The following C2orf49 variants were observed in gnomAD, a reference collection of about 807,000 sequenced individuals.
The protein encoded by C2orf49 is tRNA splicing ligase complex subunit 2, also known as tRNA-splicing ligase complex subunit ASW.
A neutral mutation model predicts 20.6 loss-of-function variants in C2orf49; 11 were observed. The ratio of observed to expected loss-of-function variants is 0.53; its 90% CI spans 0.34 to 0.88. The LOEUF (loss-of-function observed/expected upper bound fraction) is 0.88. Ranked by LOEUF, C2orf49 falls within the 40% of genes least tolerant of loss-of-function variation. C2orf49 has a pLI of 0.02. For missense variants in C2orf49, 289 were observed against 274.2 expected (o/e 1.05, Z -0.38); for synonymous variants, 134 against 108.5 (o/e 1.24, Z -1.46).
chr2:105,363,629 C>T, the C2orf49 span, among the ~76,000 whole-genome samples: 1 of 152,222 alleles, frequency 6.6e-6, no homozygotes, highest in Non-Finnish European at 1.5e-5. Flanking sequence ...TCACTCGTCA[C>T]CCTCACCACA....
the C2orf49 span, among the ~76,000 whole-genome samples, chr2:105,366,480 G>T: frequency 5.3e-5 from 8 of 152,330 alleles, no homozygotes; most frequent in South Asian, 1.7e-3. Context: ...TGCCCAGGGC[G>T]AGTGAGCAGT....
the C2orf49 span, among the ~76,000 whole-genome samples, chr2:105,372,419 G>A: frequency 5.3e-5 from 8 of 152,114 alleles, no homozygotes; most frequent in Non-Finnish European, 8.8e-5. Context: ...TAGAGACAGC[G>A]TTTTACCATG....
chr2:105,354,268 C>T, the C2orf49 span, among the ~76,000 whole-genome samples: 2 of 152,150 alleles, frequency 1.3e-5, no homozygotes, highest in African/African-American at 2.4e-5. Flanking sequence ...GTTTATGGTT[C>T]ATGTAGAATG....
At chr2:105,352,054 C>T (rs375526306), downstream of C2orf49, among the ~76,000 whole-genome samples, 30 of 152,316 alleles carry the variant, frequency 2.0e-4, no homozygotes, top group African/African-American at 5.3e-4. Context: ...TACCAACCAC[C>T]GTCCATTTAC....
the C2orf49 span, among the ~76,000 whole-genome samples, chr2:105,356,692 C>T: frequency 6.6e-6 from 1 of 152,202 alleles, no homozygotes; most frequent in African/African-American, 2.4e-5. Flanking sequence ...TGCCTGTTGA[C>T]ATTTGCTTTG....
At chr2:105,369,146 T>A in the C2orf49 span, among the ~76,000 whole-genome samples, 1 of 152,286 alleles carries the variant, frequency 6.6e-6, no homozygotes, top group East Asian at 1.9e-4. Context: ...CTGGGGACTG[T>A]GGCATGAGGG....
At chr2:105,340,676 A>AT (rs1172876727) in intron 2 of C2orf49, among the ~76,000 whole-genome samples, 1 of 152,276 alleles carries the variant, frequency 6.6e-6, no homozygotes, top group African/African-American at 2.4e-5. Context: ...CAAGCAAGTG[A>AT]TTTTTTCTTT....
Position 105,345,654 on chromosome 2 carries a change from A to G in C2orf49, c.*283A>G, listed in dbSNP as rs894915657. On this transcript the variant is annotated 3_prime_UTR_variant, in exon 4 of 4. Coordinates refer to ENST00000258457, the MANE Select transcript of C2orf49 (RefSeq NM_024093.3). ...GACCCTACTGAAATTATTAGCTACAAATGTGCTATAAAGCATCCATTGAAT... is the reference window on the plus strand; with the variant it reads ...GACCCTACTGAAATTATTAGCTACAGATGTGCTATAAAGCATCCATTGAAT... 11 of 376,866 alleles carry G rather than the reference A, an allele frequency of 2.9e-5. No individual in the cohort carries two copies. Among genetic ancestry groups the G allele is most frequent in the African/African-American group, 6.4e-5 (3 of 46,946 alleles). 23.3% of individuals were successfully genotyped at this position (376,866 alleles called of 1,614,324 possible).
the C2orf49 span, among the ~76,000 whole-genome samples, chr2:105,382,356 A>G: frequency 7.9e-5 from 12 of 152,202 alleles, no homozygotes; most frequent in Non-Finnish European, 1.3e-4. Flanking sequence ...AGTCACATAG[A>G]CAGGGTCCTG....
chr2:105,361,579 A>T, the C2orf49 span: 1 of 659,342 alleles, frequency 1.5e-6, no homozygotes, highest in African/African-American at 1.8e-5. Flanking sequence ...GGTGTTGGGA[A>T]TCCATATGTA....
At chr2:105,351,276 T>C (rs919794231), downstream of C2orf49, among the ~76,000 whole-genome samples, 11 of 151,382 alleles carry the variant, frequency 7.3e-5, no homozygotes, top group African/African-American at 2.4e-4. Flanking sequence ...ACTATAGTTA[T>C]TGCTTTTCCC....
At chr2:105,354,210 C>T (rs1679996795), downstream of C2orf49, among the ~76,000 whole-genome samples, 1 of 152,172 alleles carries the variant, frequency 6.6e-6, no homozygotes, top group Non-Finnish European at 1.5e-5. Flanking sequence ...ATTGTAGTTC[C>T]AGGGCACATT....
the C2orf49 span, among the ~76,000 whole-genome samples, chr2:105,362,194 C>T: frequency 6.6e-6 from 1 of 152,138 alleles, no homozygotes; most frequent in Non-Finnish European, 1.5e-5. Context: ...TATGTTCTGG[C>T]AAAAGATTAC....
intron 1 of C2orf49, among the ~76,000 whole-genome samples, chr2:105,339,361 C>T (rs1679601002): frequency 6.6e-6 from 1 of 152,240 alleles, no homozygotes; most frequent in African/African-American, 2.4e-5. Flanking sequence ...ACAGCAATCC[C>T]TGTCACACTG....
the C2orf49 span, among the ~76,000 whole-genome samples, chr2:105,368,927 A>G: frequency 6.6e-6 from 1 of 152,192 alleles, no homozygotes; most frequent in Non-Finnish European, 1.5e-5. Flanking sequence ...TGCTTTTCAA[A>G]TGAAGTTTTA....
chr2:105,370,293 T>C, the C2orf49 span, among the ~76,000 whole-genome samples: 1 of 151,970 alleles, frequency 6.6e-6, no homozygotes, highest in Non-Finnish European at 1.5e-5. Flanking sequence ...GAGGATCATT[T>C]GAGCCCGAGA....
At chr2:105,367,554 G>A in the C2orf49 span, 12 of 1,603,970 alleles carry the variant, frequency 7.5e-6, no homozygotes, top group South Asian at 8.9e-5. Context: ...AAGGGCCAAG[G>A]GGGCATCTGA....
chr2:105,356,326 G>A, the C2orf49 span, among the ~76,000 whole-genome samples: 1 of 152,302 alleles, frequency 6.6e-6, no homozygotes, highest in South Asian at 2.1e-4. Flanking sequence ...AGGAGGCGGA[G>A]GTTACAGTGA....
chr2:105,352,648 G>T (rs190192914), downstream of C2orf49, among the ~76,000 whole-genome samples: 123 of 151,922 alleles, frequency 8.1e-4, 2 homozygotes, highest in East Asian at 0.019. Context: ...GTTTCACCAT[G>T]TTAGCCAGGA....
Sources: gnomAD v4.1 joint callset for allele counts (sites outside exome capture counted in the v4.1 genomes callset) on GRCh38, gnomAD v4.1.1 for gene constraint, MANE v1.5 for transcripts, NCBI Gene and HGNC (gene_info 2026-07-23, HGNC 2026-07-21) for gene names.